INPP5D: variants seen among roughly 807,000 people sequenced by gnomAD.
INPP5D encodes the protein inositol polyphosphate-5-phosphatase D, also known as phosphatidylinositol 3,4,5-trisphosphate 5-phosphatase 1.
Under a neutral mutation model 122.9 loss-of-function variants are expected in INPP5D, and 33 were observed. The ratio of observed to expected loss-of-function variants is 0.27; its 90% confidence interval spans 0.20 to 0.36. INPP5D has a LOEUF of 0.36. Ranked by LOEUF, INPP5D falls within the 10% of genes least tolerant of loss-of-function variation. The pLI, the probability that INPP5D is intolerant of heterozygous loss-of-function variation, is 1.00. For synonymous variants in INPP5D, 584 were observed against 576.2 expected (o/e 1.01, Z -0.19); for missense variants, 1,053 against 1,412.7 (o/e 0.75, Z 4.08).
rs567353784 is a variant in INPP5D at position 233,119,899 on chromosome 2, G to A, written c.199-2208G>A. Among the ~76,000 whole-genome samples, 53 of 152,216 alleles carry A rather than the reference G, an allele frequency of 3.5e-4. No homozygotes were observed. In the South Asian group the frequency reaches 0.01, roughly 30 times the overall value. On this transcript the variant is annotated intron_variant, in intron 2 of 26. Transcript: ENST00000445964. The stretch of plus-strand genomic sequence containing the variant: ...CCTGATTCCACTTACCTGTAATCCC[G>A]AAGACCTTCAGGCACCCTCCCACCT...
intron 1 of INPP5D, among the ~76,000 whole-genome samples, chr2:233,068,213 AGGC>A (rs1691276988): frequency 6.6e-6 from 1 of 150,668 alleles, no homozygotes; most frequent in Non-Finnish European, 1.5e-5. Flanking sequence ...TGAACTTGGG[AGGC>A]AGAGGTTGTG....
chr2:233,156,909 C>G lies in INPP5D; in HGVS notation c.1031-1404C>G, dbSNP rs538816267. Among the ~76,000 whole-genome samples, 4 of 152,320 alleles carry G rather than the reference C, an allele frequency of 2.6e-5. No individual in the cohort carries two copies. The East Asian group carries it at 5.8e-4, about 22-fold the overall frequency. ...TAAGTTCCCAGATGACAGCAGAAAG[C>G]CAGCCTTTCAAGCAAGCCCTTCTAA... On this transcript the variant is annotated intron_variant, in intron 9 of 26. Transcript: ENST00000445964.
chr2:233,178,004 C>T (rs1028229173), intron 18 of INPP5D, among the ~76,000 whole-genome samples: 4 of 152,108 alleles, frequency 2.6e-5, no homozygotes, highest in Admixed American at 1.3e-4. Flanking sequence ...TAATACATGT[C>T]GCAAGTGTGT....
At chr2:233,116,113 T>G (rs1354715228) in intron 2 of INPP5D, among the ~76,000 whole-genome samples, 1 of 152,036 alleles carries the variant, frequency 6.6e-6, no homozygotes, top group Non-Finnish European at 1.5e-5. Context: ...TTGTTTTTTC[T>G]GCTTGACTCT....
intron 3 of INPP5D, among the ~76,000 whole-genome samples, chr2:233,123,255 A>C (rs1693044998): frequency 6.6e-6 from 1 of 152,214 alleles, no homozygotes; most frequent in Non-Finnish European, 1.5e-5. Flanking sequence ...GGAGATCGAG[A>C]CCATCCTGGC....
Position 233,189,517 on chromosome 2 carries a change from A to G in INPP5D, c.2359-333A>G, listed in dbSNP as rs1418222386. On this transcript the variant is annotated intron_variant, in intron 21 of 26. Coordinates refer to ENST00000445964, the MANE Select transcript of INPP5D (RefSeq NM_001017915.3). This position sits in a 1 kb window ranked among gnomAD's most constrained non-coding sequence, Gnocchi z 5.6. Reference sequence around the variant, plus strand: ...TCCCCGCCAGCCTGCCTTCTCCTCTATGACCCTGGCCTAGGGATGGGAAGG... The same window carrying G: ...TCCCCGCCAGCCTGCCTTCTCCTCTGTGACCCTGGCCTAGGGATGGGAAGG... 6.6e-6 allele frequency among the ~76,000 whole-genome samples: 1 copy of G among 152,102 alleles called. No homozygotes were observed. Among genetic ancestry groups the G allele is most frequent in the Non-Finnish European group, 1.5e-5 (1 of 68,012 alleles).
chr2:233,143,873 G>A (rs1470536292), intron 6 of INPP5D, among the ~76,000 whole-genome samples: 3 of 151,696 alleles, frequency 2.0e-5, no homozygotes, highest in Non-Finnish European at 4.4e-5. Context: ...GGAGTGATAG[G>A]GGAGGAGATG....
chr2:233,113,309 T>C (rs1692683081), intron 2 of INPP5D, among the ~76,000 whole-genome samples: 1 of 151,596 alleles, frequency 6.6e-6, no homozygotes, highest in Non-Finnish European at 1.5e-5. Flanking sequence ...CCTGACCACC[T>C]CCCTGGCCCC....
In INPP5D at chr2:233,189,650, G is replaced by A. The variant is rs146883827; in HGVS notation, c.2359-200G>A. Among the ~76,000 whole-genome samples, 912 of 152,276 alleles carry A rather than the reference G, an allele frequency of 6.0e-3. 4 individuals carry two copies. Among genetic ancestry groups the A allele is most frequent in the Non-Finnish European group, 9.9e-3 (674 of 68,010 alleles). On this transcript the variant is annotated intron_variant, in intron 21 of 26. Transcript: ENST00000445964. The surrounding 1 kb of genome is among the most constrained non-coding windows in gnomAD (Gnocchi z 5.6). Reference sequence around the variant, plus strand: ...GTGCAGCGTGGAGGTGAGGGGGACAGGGAAGGAAGCTAACCCCCACCTTGC... The same window carrying A: ...GTGCAGCGTGGAGGTGAGGGGGACAAGGAAGGAAGCTAACCCCCACCTTGC...
chr2:233,136,600 C>T (rs942848954), intron 5 of INPP5D, among the ~76,000 whole-genome samples: 1 of 152,042 alleles, frequency 6.6e-6, no homozygotes, highest in African/African-American at 2.4e-5. Context: ...CAGCAAAGTA[C>T]ATGAAATGTT....
At chr2:233,169,778 A>G (rs1559331753) in intron 14 of INPP5D, 2 of 635,658 alleles carry the variant, frequency 3.1e-6, no homozygotes, top group Non-Finnish European at 5.3e-6. Context: ...TTCTCTGCTG[A>G]GCAGATGCTG....
Position 233,088,484 on chromosome 2 carries a change from C to T in INPP5D, c.198+9086C>T, listed in dbSNP as rs548825540. 1.4e-4 allele frequency among the ~76,000 whole-genome samples: 22 copies of T among 152,316 alleles called. No individual in the cohort carries two copies. The South Asian group carries it at 2.3e-3, about 16-fold the overall frequency. ...CACATTTCCAGAGAAGGCTCTTCCT[C>T]GGGTCTTCAGGGTGGTGTAATGTCC... is the stretch of plus-strand genomic sequence containing the variant. On this transcript the variant is annotated intron_variant, in intron 2 of 26. Coordinates refer to ENST00000445964, the MANE Select transcript of INPP5D (RefSeq NM_001017915.3).
At chr2:233,110,187 G>A (rs750463697) in intron 2 of INPP5D, among the ~76,000 whole-genome samples, 2 of 151,868 alleles carry the variant, frequency 1.3e-5, no homozygotes, top group Non-Finnish European at 2.9e-5. Flanking sequence ...GAGTAGCTGG[G>A]ATTACAGGTA....
At chr2:233,114,497 G>A (rs911167905) in intron 2 of INPP5D, among the ~76,000 whole-genome samples, 2 of 152,212 alleles carry the variant, frequency 1.3e-5, no homozygotes, top group Admixed American at 1.3e-4. Flanking sequence ...CTTTCCCTCA[G>A]ATGAGCTGGC....
At chr2:233,130,863 T>C (rs1466769690) in intron 5 of INPP5D, 2 of 706,654 alleles carry the variant, frequency 2.8e-6, no homozygotes, top group East Asian at 2.8e-5. Context: ...TGCAGCTTTT[T>C]ACAACTAAAG....
chr2:233,110,427 T>C (rs1177894920), intron 2 of INPP5D, among the ~76,000 whole-genome samples: 1 of 152,036 alleles, frequency 6.6e-6, no homozygotes, highest in African/African-American at 2.4e-5. Flanking sequence ...CTCTAACTCC[T>C]GGGCTCGAGC....
At chr2:233,198,470 C>T in intron 25 of INPP5D, 94 bp downstream of exon 25, 2 of 1,475,338 alleles carry the variant, frequency 1.4e-6, no homozygotes, top group Non-Finnish European at 9.0e-7. Context: ...CTCATAAGGG[C>T]CACAATTTGT....
At chr2:233,066,878 A>T (rs1691243075) in intron 1 of INPP5D, among the ~76,000 whole-genome samples, 1 of 152,060 alleles carries the variant, frequency 6.6e-6, no homozygotes. Flanking sequence ...TCCTGAATTC[A>T]AGCAATCCTC....
intron 18 of INPP5D, among the ~76,000 whole-genome samples, chr2:233,181,357 G>T (rs1694778337): frequency 6.6e-6 from 1 of 152,060 alleles, no homozygotes; most frequent in South Asian, 2.1e-4. Flanking sequence ...TCACCTTCTT[G>T]GTCTCCTTTG....
Sources: allele counts gnomAD v4.1 joint callset (sites outside exome capture counted in the v4.1 genomes callset), GRCh38; gene constraint gnomAD v4.1.1; non-coding constraint Gnocchi (gnomAD v3.1); transcripts MANE v1.5; gene names NCBI Gene and HGNC (gene_info 2026-07-23, HGNC 2026-07-21).